DRC8: variants seen among roughly 807,000 people sequenced by gnomAD.
The protein encoded by DRC8 is dynein regulatory complex subunit 8.
chr1:245,060,336 C>T, the DRC8 span, among the ~76,000 whole-genome samples: 20 of 152,144 alleles, frequency 1.3e-4, no homozygotes, highest in Middle Eastern at 3.4e-3. Flanking sequence ...AAAGAAGGTA[C>T]AAGAATGCAT....
the DRC8 span, among the ~76,000 whole-genome samples, chr1:245,025,611 T>C: frequency 6.6e-6 from 1 of 152,216 alleles, no homozygotes; most frequent in African/African-American, 2.4e-5. Flanking sequence ...CACCCATCTG[T>C]CCTGTTCCTA....
the DRC8 span, among the ~76,000 whole-genome samples, chr1:245,048,474 A>G: frequency 6.6e-6 from 1 of 151,776 alleles, no homozygotes; most frequent in Non-Finnish European, 1.5e-5. Context: ...CTTTGTTATT[A>G]CTGTGGTTTT....
the DRC8 span, among the ~76,000 whole-genome samples, chr1:245,003,018 A>G: frequency 6.6e-6 from 1 of 152,178 alleles, no homozygotes; most frequent in African/African-American, 2.4e-5. Context: ...CACTCTAGGT[A>G]CTTCAGATAA....
At chr1:245,048,465 TTTG>T in the DRC8 span, among the ~76,000 whole-genome samples, 1 of 152,172 alleles carries the variant, frequency 6.6e-6, no homozygotes, top group Non-Finnish European at 1.5e-5. Context: ...TCTGTTATCC[TTTG>T]TTATTACTGT....
chr1:245,034,744 A>G, the DRC8 span, among the ~76,000 whole-genome samples: 1 of 152,048 alleles, frequency 6.6e-6, no homozygotes, highest in South Asian at 2.1e-4. Flanking sequence ...ATCCAACTCA[A>G]AAAAGCTAGG....
At chr1:245,096,702 ATG>A in the DRC8 span, among the ~76,000 whole-genome samples, 1 of 152,260 alleles carries the variant, frequency 6.6e-6, no homozygotes, top group African/African-American at 2.4e-5. Flanking sequence ...CAAATGTTTT[ATG>A]TGTTCACATT....
the DRC8 span, among the ~76,000 whole-genome samples, chr1:244,983,183 G>T: frequency 3.3e-5 from 5 of 152,168 alleles, no homozygotes; most frequent in African/African-American, 4.8e-5. Context: ...ACCACAGGAT[G>T]AGCATGCTGT....
At chr1:245,119,357 T>TTC in the DRC8 span, among the ~76,000 whole-genome samples, 1 of 151,544 alleles carries the variant, frequency 6.6e-6, no homozygotes, top group Non-Finnish European at 1.5e-5. Flanking sequence ...TTTTTTTTTT[T>TTC]CATACTAAAA....
chr1:245,022,781 T>G, the DRC8 span, among the ~76,000 whole-genome samples: 3 of 152,028 alleles, frequency 2.0e-5, no homozygotes, highest in Non-Finnish European at 4.4e-5. Flanking sequence ...AACCTAAAAT[T>G]TATCATTTTA....
the DRC8 span, among the ~76,000 whole-genome samples, chr1:245,025,397 A>G: frequency 6.6e-6 from 1 of 152,096 alleles, no homozygotes; most frequent in Non-Finnish European, 1.5e-5. Flanking sequence ...CATTTTCCTT[A>G]TCTATAAAAT....
At chr1:245,065,698 G>A in the DRC8 span, among the ~76,000 whole-genome samples, 38 of 152,052 alleles carry the variant, frequency 2.5e-4, 2 homozygotes, top group East Asian at 6.8e-3. Flanking sequence ...ACACATGCAT[G>A]GAACTTGTCA....
chr1:245,014,949 AAAAT>A, the DRC8 span, among the ~76,000 whole-genome samples: 3 of 152,376 alleles, frequency 2.0e-5, no homozygotes, highest in Admixed American at 2.0e-4. Flanking sequence ...AAAATACAGC[AAAAT>A]GATGAGTAGT....
At chr1:245,084,062 G>GTCC in the DRC8 span, among the ~76,000 whole-genome samples, 1 of 77,930 alleles carries the variant, frequency 1.3e-5, no homozygotes, top group African/African-American at 5.0e-5. Flanking sequence ...TAAAAATTCC[G>GTCC]CCCCCCCCCC....
At chr1:245,068,882 C>T in the DRC8 span, among the ~76,000 whole-genome samples, 1 of 151,922 alleles carries the variant, frequency 6.6e-6, no homozygotes, top group Admixed American at 6.6e-5. Context: ...GATTAAATTG[C>T]ACAAGAAAAA....
chr1:245,098,054 C>T, the DRC8 span, among the ~76,000 whole-genome samples: 210 of 152,112 alleles, frequency 1.4e-3, 1 homozygote, highest in Middle Eastern at 0.01. Context: ...TGTCTCAGGC[C>T]GGGGAGATAA....
the DRC8 span, among the ~76,000 whole-genome samples, chr1:245,085,230 C>G: frequency 6.6e-6 from 1 of 152,140 alleles, no homozygotes; most frequent in Non-Finnish European, 1.5e-5. Context: ...ATCAGAAGAT[C>G]AACTAGGGCT....
At chr1:245,085,342 T>G in the DRC8 span, among the ~76,000 whole-genome samples, 1 of 152,182 alleles carries the variant, frequency 6.6e-6, no homozygotes, top group Non-Finnish European at 1.5e-5. Flanking sequence ...AAAGGTAAAC[T>G]CTTGTGCATT....
At chr1:244,994,718 G>C in the DRC8 span, among the ~76,000 whole-genome samples, 1 of 152,160 alleles carries the variant, frequency 6.6e-6, no homozygotes, top group South Asian at 2.1e-4. Flanking sequence ...GTGAGCCCCT[G>C]CGCCTGGGAC....
At chr1:245,065,073 CTTTT>C in the DRC8 span, among the ~76,000 whole-genome samples, 3 of 81,566 alleles carry the variant, frequency 3.7e-5, no homozygotes, top group Admixed American at 1.7e-4. Context: ...TAACATTCTT[CTTTT>C]TTTTTTTTTT....
Sources: gnomAD v4.1 joint callset for allele counts (sites outside exome capture counted in the v4.1 genomes callset) on GRCh38, gnomAD v4.1.1 for gene constraint, MANE v1.5 for transcripts, NCBI Gene and HGNC (gene_info 2026-07-23, HGNC 2026-07-21) for gene names.